The following TECPR1 variants were observed in gnomAD, a reference collection of about 807,000 sequenced individuals.
TECPR1 encodes the protein tectonin beta-propeller repeat containing 1.
TECPR1 carries 122 observed loss-of-function variants against 162.4 expected under a neutral mutation model. The observed-to-expected ratio is 0.75, with a 90% CI of 0.65 to 0.87. The LOEUF (loss-of-function observed/expected upper bound fraction) is 0.87. TECPR1 is among the 40% of genes least tolerant of loss of function. The pLI is 0.00. For synonymous variants in TECPR1, 642 were observed against 670.6 expected (o/e 0.96, Z 0.66); for missense variants, 1,432 against 1,618.2 (o/e 0.88, Z 1.97).
Position 98,244,610 on chromosome 7 carries a change from G to A in TECPR1, c.492C>T (p.Ile164=), listed in dbSNP as rs1197291805. ...WNSCVRRRKW[I]RYRRYKSRDI... is the part of the protein sequence containing the mutation. ...CCCGGGACTTGTATCTCCTGTACCGGATCCACTTCCGGCGCCGCACACAAG... is the reference window on the plus strand; with the variant it reads ...CCCGGGACTTGTATCTCCTGTACCGAATCCACTTCCGGCGCCGCACACAAG... The change falls in exon 5 of 26, where the codon ATC becomes ATT. Residue 164 remains isoleucine, a synonymous_variant. Transcript: ENST00000447648. The A allele has an allele frequency of 1.9e-6, 3 of 1,612,906 alleles. No homozygotes were observed. In the African/African-American group the frequency reaches 4.0e-5, roughly 22 times the overall value.
chr7:98,236,984 C>T, intron 9 of TECPR1, 63 bp from the exon 10 acceptor site: 1 of 1,450,222 alleles, frequency 6.9e-7, no homozygotes, highest in Non-Finnish European at 9.1e-7. Flanking sequence ...TTCTCGCTTC[C>T]TAGGGGTGCA....
chr7:98,242,043 G>A (rs1054018331), intron 6 of TECPR1, among the ~76,000 whole-genome samples: 1 of 152,332 alleles, frequency 6.6e-6, no homozygotes, highest in East Asian at 1.9e-4. Flanking sequence ...ATGGCCCCCC[G>A]ATGGGGGCTC....
At position 98,236,669 on chromosome 7, in the gene TECPR1, G is replaced by A. The variant is rs1798607431; in HGVS notation, c.1181+107C>T. Reference sequence around the variant, plus strand: ...ACCCATTTTCTCCTGCCTGGGACAAGTCCTGGGACCCAGTGGGGCAGGTGG... The same window carrying A: ...ACCCATTTTCTCCTGCCTGGGACAAATCCTGGGACCCAGTGGGGCAGGTGG... On this transcript the variant is annotated intron_variant, in intron 10 of 25. Coordinates refer to ENST00000447648, the MANE Select transcript of TECPR1 (RefSeq NM_015395.3). The A allele has an allele frequency of 2.1e-6, 3 of 1,437,362 alleles. No individual in the cohort carries two copies. In the East Asian group the frequency reaches 7.5e-5, roughly 36 times the overall value. 89.0% of individuals were successfully genotyped at this position (1,437,362 alleles called of 1,614,324 possible).
intron 2 of TECPR1, among the ~76,000 whole-genome samples, chr7:98,247,815 T>C (rs942048513): frequency 2.6e-5 from 4 of 152,166 alleles, no homozygotes; most frequent in Non-Finnish European, 4.4e-5. Flanking sequence ...CTTGAACTCC[T>C]GAACTCAAGC....
chr7:98,221,602 C>T (rs551298173), intron 23 of TECPR1, 59 bp downstream of exon 23: 10 of 1,490,746 alleles, frequency 6.7e-6, no homozygotes, highest in Admixed American at 1.7e-5. Flanking sequence ...GCTGAGATTA[C>T]AGGTGTGAGC....
intron 16 of TECPR1, among the ~76,000 whole-genome samples, chr7:98,228,344 C>G (rs1798332015): frequency 6.6e-6 from 1 of 152,182 alleles, no homozygotes; most frequent in Non-Finnish European, 1.5e-5. Context: ...TCGATGAGCA[C>G]AGCCTGCTGT....
At chr7:98,222,265 G>T in intron 22 of TECPR1, 121 bp downstream of exon 22, 6 of 1,339,084 alleles carry the variant, frequency 4.5e-6, no homozygotes, top group South Asian at 1.4e-5. Flanking sequence ...GTGGGAGGGG[G>T]ACTCCCACTT....
chr7:98,251,387 CACTT>C lies in TECPR1; in HGVS notation c.-20+3_-20+6del, dbSNP rs984083234. 50 of 152,298 alleles carry C rather than the reference CACTT, an allele frequency of 3.3e-4. No homozygotes were observed. Among genetic ancestry groups the C allele is most frequent in the African/African-American group, 1.1e-3 (47 of 41,560 alleles). 9.4% of individuals were successfully genotyped at this position (152,298 alleles called of 1,614,324 possible). ...CACAGTACAAAGAACGCTCCGCAAG[CACTT>C]ACTTCCTCTGAGCCTTAGGAGTCCT... On this transcript the variant is annotated splice_donor_5th_base_variant and intron_variant, in intron 2 of 25. Transcript: ENST00000447648.
Position 98,231,007 on chromosome 7 carries a change from T to C in TECPR1, c.2236A>G (p.Ser746Gly). ...CKGDIFVSEP[S>G]PDLEAHEHPL... is the part of the protein sequence containing the mutation. Reference sequence around the variant, plus strand: ...TGCTCGTGGGCCTCCAGGTCTGGGCTGGGCTCGCTCACGAAGATGTCCCCC... The same window carrying C: ...TGCTCGTGGGCCTCCAGGTCTGGGCCGGGCTCGCTCACGAAGATGTCCCCC... The change falls in exon 15 of 26, where the codon AGC becomes GGC. Residue 746 changes from serine to glycine, a missense_variant. Transcript: ENST00000447648. 6.2e-7 allele frequency: 1 copy of C among 1,612,852 alleles called. No individual in the cohort carries two copies. Among genetic ancestry groups the C allele is most frequent in the Non-Finnish European group, 8.5e-7 (1 of 1,179,608 alleles).
At chr7:98,238,356 G>C in intron 9 of TECPR1, 153 bp downstream of exon 9, 1 of 671,746 alleles carries the variant, frequency 1.5e-6, no homozygotes. Context: ...GGCAGCAGAG[G>C]GAAGCCTGGC....
chr7:98,245,947 C>T lies in TECPR1; in HGVS notation c.200G>A (p.Arg67His), dbSNP rs374575884. 1.2e-5 allele frequency: 20 copies of T among 1,604,022 alleles called. No individual in the cohort carries two copies. In the East Asian group the frequency reaches 1.3e-4, roughly 11 times the overall value. The change falls in exon 3 of 26, where the codon CGC (arginine) becomes CAC (histidine). Residue 67 changes from arginine to histidine, a missense_variant. Coordinates refer to ENST00000447648, the MANE Select transcript of TECPR1 (RefSeq NM_015395.3). ...CTGATTCTCATAGGCCTCCTCTCGG[C>T]GGCGGATGGGGACATCGCTGGCACA... ...YVCASDVPIR[R>H]REEAYENQRW...
intron 23 of TECPR1, 29 bp from the exon 24 acceptor site, chr7:98,218,071 G>C: frequency 2.0e-6 from 3 of 1,528,520 alleles, no homozygotes; most frequent in South Asian, 1.2e-5. Context: ...AGGGTCAAAG[G>C]GGAAGACCTT....
intron 17 of TECPR1, chr7:98,226,880 C>T: frequency 4.9e-6 from 1 of 204,670 alleles, no homozygotes; most frequent in African/African-American, 2.3e-5. Flanking sequence ...CTGCAGTGAG[C>T]CAAGATCGCA....
chr7:98,250,823 A>G (rs1048280193), intron 2 of TECPR1: 1 of 152,082 alleles, frequency 6.6e-6, no homozygotes, highest in African/African-American at 2.4e-5. Context: ...TCTTCTGGGC[A>G]GTTAATGGGA....
rs528485857 is a variant in TECPR1 at position 98,217,101 on chromosome 7, G to C, written c.*289C>G. 20 of 351,628 alleles carry C rather than the reference G, an allele frequency of 5.7e-5. No homozygotes were observed. The highest frequency in any genetic ancestry group is 7.6e-4 in the Middle Eastern group (1 of 1,316). 21.8% of individuals were successfully genotyped at this position (351,628 alleles called of 1,614,324 possible). The stretch of plus-strand genomic sequence containing the variant: ...TCTAGTCCTGGAAAGGCAGAAGGGA[G>C]AGGGGAAGGGAAGGGTGGGAGGGGC... On this transcript the variant is annotated 3_prime_UTR_variant, in exon 26 of 26. Transcript: ENST00000447648.
chr7:98,231,761 G>A (rs1379939863), intron 13 of TECPR1, 43 bp downstream of exon 13: 2 of 1,589,810 alleles, frequency 1.3e-6, no homozygotes, highest in Non-Finnish European at 1.7e-6. Flanking sequence ...CCCCAGCCCT[G>A]TGTCCCCTCC....
intron 15 of TECPR1, 110 bp downstream of exon 15, chr7:98,230,851 G>C: frequency 7.2e-7 from 1 of 1,391,006 alleles, no homozygotes; most frequent in Non-Finnish European, 9.6e-7. Context: ...TGCCTGGTCA[G>C]CGAGAAGCTT....
At chr7:98,237,446 A>G (rs1443798783) in intron 9 of TECPR1, among the ~76,000 whole-genome samples, 1 of 151,758 alleles carries the variant, frequency 6.6e-6, no homozygotes, top group African/African-American at 2.4e-5. Context: ...GGCTCCCATC[A>G]CCACACCCAG....
chr7:98,235,468 T>A (rs1798569596), intron 10 of TECPR1, among the ~76,000 whole-genome samples: 1 of 142,620 alleles, frequency 7.0e-6, no homozygotes, highest in African/African-American at 2.7e-5. Flanking sequence ...GAGCTTGCAG[T>A]GAGCCAAGAT....
Sources: allele counts gnomAD v4.1 joint callset (sites outside exome capture counted in the v4.1 genomes callset), GRCh38; gene constraint gnomAD v4.1.1; transcripts MANE v1.5; gene names NCBI Gene and HGNC (gene_info 2026-07-23, HGNC 2026-07-21).